Variants in APTX observed in about 807,000 individuals in gnomAD.
The protein encoded by APTX is forkhead-associated domain histidine triad-like protein.
Under a neutral mutation model 42.3 loss-of-function variants are expected in APTX, and 33 were observed. The observed-to-expected ratio is 0.78, with a 90% CI of 0.59 to 1.04. The LOEUF is 1.04. Among genes scored for constraint, APTX ranks in the 50% least tolerant of loss-of-function variants. The pLI is 0.00. For missense variants in APTX, 421 were observed against 415.1 expected, an observed-to-expected ratio of 1.01 and a Z score of -0.12; for synonymous variants, 130 against 146.7, an observed-to-expected ratio of 0.89 and a Z score of 0.82.
chr9:33,008,799 G>A (rs369130958), intron 1 of APTX, among the ~76,000 whole-genome samples: 2 of 151,998 alleles, frequency 1.3e-5, no homozygotes, highest in Non-Finnish European at 2.9e-5. Flanking sequence ...TGACCCACCC[G>A]CCTCTACCTC....
In APTX at chr9:32,973,618, T is replaced by TA; in HGVS notation, c.908dup (p.Thr304AsnfsTer8). 6.2e-7 allele frequency: 1 copy of TA among 1,613,330 alleles called. No individual in the cohort carries two copies. Among genetic ancestry groups the TA allele is most frequent in the Non-Finnish European group, 8.5e-7 (1 of 1,179,928 alleles). ...GCTCAGGCATCCCATCTCGGACAGTTACTCTACCAGCCTCTTGTACCATCT... is the reference window on the plus strand; with the variant it reads ...GCTCAGGCATCCCATCTCGGACAGTTAACTCTACCAGCCTCTTGTACCATCT... On this transcript the variant is annotated frameshift_variant, in exon 8 of 8. Transcript: ENST00000379817. LOFTEE classifies it high-confidence loss of function.
At chr9:32,987,019 G>A (rs538180149) in intron 4 of APTX, among the ~76,000 whole-genome samples, 10 of 151,956 alleles carry the variant, frequency 6.6e-5, no homozygotes, top group Non-Finnish European at 1.3e-4. Flanking sequence ...CACAATGTTT[G>A]CCAGGCAGGT....
chr9:32,995,830 G>A (rs958805341), intron 1 of APTX, among the ~76,000 whole-genome samples: 3 of 151,340 alleles, frequency 2.0e-5, no homozygotes, highest in African/African-American at 7.3e-5. Context: ...GGAGCTTGCA[G>A]TGAACCGAGA....
chr9:32,991,336 G>A (rs748180546), intron 1 of APTX, among the ~76,000 whole-genome samples: 73 of 152,172 alleles, frequency 4.8e-4, no homozygotes, highest in Non-Finnish European at 8.2e-4. Flanking sequence ...TGGCCATGTG[G>A]ACTATCAGTA....
chr9:33,017,002 C>A (rs1165809817), intron 1 of APTX, among the ~76,000 whole-genome samples: 1 of 152,188 alleles, frequency 6.6e-6, no homozygotes, highest in South Asian at 2.1e-4. Flanking sequence ...ACAAAACAGA[C>A]AAAAATCTTT....
intron 1 of APTX, among the ~76,000 whole-genome samples, chr9:32,998,761 C>A (rs1015917689): frequency 3.3e-5 from 5 of 151,852 alleles, no homozygotes; most frequent in African/African-American, 1.2e-4. Context: ...AGGAGAAATA[C>A]CTAATGTAGA....
At chr9:32,999,740 C>T (rs1190729628) in intron 1 of APTX, among the ~76,000 whole-genome samples, 1 of 152,096 alleles carries the variant, frequency 6.6e-6, no homozygotes, top group Non-Finnish European at 1.5e-5. Context: ...CTTTGGGAGG[C>T]CGAGGCAGGC....
At chr9:33,009,727 C>T (rs10971308) in intron 1 of APTX, among the ~76,000 whole-genome samples, 37,260 of 151,754 alleles carry the variant, frequency 0.25, 4,673 homozygotes, top group Middle Eastern at 0.3. Flanking sequence ...TGCAGTAAAC[C>T]ATGATTATGC....
At chr9:32,996,716 T>C (rs916223571) in intron 1 of APTX, among the ~76,000 whole-genome samples, 2 of 152,238 alleles carry the variant, frequency 1.3e-5, no homozygotes, top group African/African-American at 4.8e-5. Flanking sequence ...TCAAACTACC[T>C]TCACAGTTCT....
At chr9:32,974,830 T>C (rs187948708) in intron 6 of APTX, among the ~76,000 whole-genome samples, 1 of 152,142 alleles carries the variant, frequency 6.6e-6, no homozygotes, top group African/African-American at 2.4e-5. Flanking sequence ...GCCTCTGCCC[T>C]TATAGAAATT....
At chr9:32,998,640 T>C (rs890480174) in intron 1 of APTX, among the ~76,000 whole-genome samples, 3 of 151,892 alleles carry the variant, frequency 2.0e-5, no homozygotes, top group African/African-American at 7.3e-5. Context: ...AAACACCACA[T>C]GTTCTCACTC....
chr9:32,992,089 G>C (rs1833779538), intron 1 of APTX, among the ~76,000 whole-genome samples: 1 of 152,102 alleles, frequency 6.6e-6, no homozygotes, highest in Admixed American at 6.6e-5. Flanking sequence ...AGGTGAAACA[G>C]GGAATTATGG....
At chr9:33,014,263 T>A (rs548542031) in intron 1 of APTX, among the ~76,000 whole-genome samples, 1 of 152,326 alleles carries the variant, frequency 6.6e-6, no homozygotes, top group African/African-American at 2.4e-5. Context: ...CAGGACTTTC[T>A]TGATGAACCA....
At chr9:33,019,628 G>C (rs1305041509) in intron 1 of APTX, 1 of 395,302 alleles carries the variant, frequency 2.5e-6, no homozygotes, top group East Asian at 3.8e-5. Context: ...GGAATTCCCT[G>C]CCCTAGGGAG....
intron 1 of APTX, among the ~76,000 whole-genome samples, chr9:33,021,821 T>C (rs1838405386): frequency 6.6e-6 from 1 of 151,876 alleles, no homozygotes; most frequent in African/African-American, 2.4e-5. Flanking sequence ...AATAAAAAAT[T>C]TAAGTTTAAA....
chr9:32,976,905 AT>A (rs1365647165), intron 6 of APTX, among the ~76,000 whole-genome samples: 3 of 152,248 alleles, frequency 2.0e-5, no homozygotes, highest in Non-Finnish European at 4.4e-5. Context: ...TTAAAATCAA[AT>A]TCATATGCTA....
intron 1 of APTX, among the ~76,000 whole-genome samples, chr9:33,022,866 G>A (rs1248127102): frequency 1.3e-5 from 2 of 152,150 alleles, no homozygotes; most frequent in Admixed American, 1.3e-4. Flanking sequence ...TTTTTAGACA[G>A]GGTATTGCTC....
chr9:32,999,854 T>C (rs1231988032), intron 1 of APTX, among the ~76,000 whole-genome samples: 1 of 152,082 alleles, frequency 6.6e-6, no homozygotes, highest in Non-Finnish European at 1.5e-5. Context: ...TAGACGCCTG[T>C]AGTCCTGAGC....
At chr9:32,996,329 G>A (rs1834928667) in intron 1 of APTX, among the ~76,000 whole-genome samples, 1 of 149,052 alleles carries the variant, frequency 6.7e-6, no homozygotes, top group East Asian at 2.0e-4. Flanking sequence ...CAGATTGGGT[G>A]CAGGGCGTCA....
Sources: allele counts gnomAD v4.1 joint callset (sites outside exome capture counted in the v4.1 genomes callset), GRCh38; gene constraint gnomAD v4.1.1; transcripts MANE v1.5; gene names NCBI Gene and HGNC (gene_info 2026-07-23, HGNC 2026-07-21).